WDFY2: variants seen among roughly 807,000 people sequenced by gnomAD.
WDFY2 encodes the protein WD repeat and FYVE domain containing 2, also known as WD repeat and FYVE domain-containing protein 2.
Under a neutral mutation model 56.4 loss-of-function variants are expected in WDFY2, and 36 were observed. The ratio of observed to expected loss-of-function variants is 0.64; its 90% CI spans 0.49 to 0.84. WDFY2 has a LOEUF of 0.84. Among genes scored for constraint, WDFY2 ranks in the 40% least tolerant of loss-of-function variants. The probability of loss-of-function intolerance (pLI) is 0.00; values close to 1 mark genes in which losing one functional copy is unlikely to be tolerated. For synonymous variants in WDFY2, 176 were observed against 183.7 expected, an observed-to-expected ratio of 0.96 and a Z score of 0.34; for missense variants, 444 against 512.2, an observed-to-expected ratio of 0.87 and a Z score of 1.29.
rs1953770152 is a variant in WDFY2 at position 51,766,984 on chromosome 13, G to C, written c.*7215G>C. The C allele has an allele frequency of 1.3e-5, 2 of 152,208 alleles. No individual in the cohort carries two copies. The highest frequency in any genetic ancestry group is 2.9e-5 in the Non-Finnish European group (2 of 68,038). The allele number at this position is 152,208 out of a possible 1,614,324, so 9.4% of individuals were successfully genotyped here. A position where few individuals can be genotyped will look rare whatever the true frequency, so the allele number is the denominator to read the frequency against. On this transcript the variant is annotated 3_prime_UTR_variant, in exon 12 of 12. Transcript: ENST00000298125. The stretch of plus-strand genomic sequence containing the variant: ...ATGAGCCCTGTTCACCACAGTCTAA[G>C]CACAGCACACGGGCTCAAGCCATGG...
intron 6 of WDFY2, among the ~76,000 whole-genome samples, chr13:51,733,741 G>A (rs938233903): frequency 2.6e-5 from 4 of 152,136 alleles, no homozygotes; most frequent in Non-Finnish European, 5.9e-5. Flanking sequence ...GGGGTCAGCC[G>A]CATTTGGTAA....
At chr13:51,719,931 A>G (rs1021663858) in intron 5 of WDFY2, among the ~76,000 whole-genome samples, 1 of 152,196 alleles carries the variant, frequency 6.6e-6, no homozygotes, top group African/African-American at 2.4e-5. Flanking sequence ...CAGGGTCCTC[A>G]TGCTCATGGT....
chr13:51,736,059 T>C (rs1338495952), intron 6 of WDFY2, among the ~76,000 whole-genome samples: 2 of 152,222 alleles, frequency 1.3e-5, no homozygotes, highest in South Asian at 2.1e-4. Flanking sequence ...TCATGATGGC[T>C]GGGATAGCAT....
At chr13:51,642,095 T>C (rs1385972059) in intron 1 of WDFY2, among the ~76,000 whole-genome samples, 5 of 152,240 alleles carry the variant, frequency 3.3e-5, no homozygotes, top group African/African-American at 7.2e-5. Flanking sequence ...TTTCCAGTTA[T>C]CTATATCTTA....
intron 1 of WDFY2, chr13:51,591,884 A>G (rs960906147): frequency 1.3e-5 from 2 of 151,706 alleles, no homozygotes. Context: ...TGAAATTCCC[A>G]TTGACATTAT....
chr13:51,649,767 A>G (rs1446005968), intron 1 of WDFY2, among the ~76,000 whole-genome samples: 2 of 152,072 alleles, frequency 1.3e-5, no homozygotes, highest in African/African-American at 2.4e-5. Flanking sequence ...GTTCTGTTCT[A>G]TTGGTCTATA....
At chr13:51,622,281 C>A (rs547467603) in intron 1 of WDFY2, among the ~76,000 whole-genome samples, 1 of 152,154 alleles carries the variant, frequency 6.6e-6, no homozygotes, top group Non-Finnish European at 1.5e-5. Context: ...CTCTCTCCCC[C>A]CCTCCTTTTT....
chr13:51,747,340 C>T (rs1566224394), intron 7 of WDFY2, among the ~76,000 whole-genome samples: 1 of 152,196 alleles, frequency 6.6e-6, no homozygotes, highest in African/African-American at 2.4e-5. Context: ...ATATTATAGA[C>T]AATAACGACA....
chr13:51,689,564 G>A (rs943991738), intron 3 of WDFY2, among the ~76,000 whole-genome samples: 3 of 152,096 alleles, frequency 2.0e-5, no homozygotes, highest in East Asian at 1.9e-4. Flanking sequence ...ATGTGACATG[G>A]GGTTTCCTTA....
At chr13:51,686,642 A>C (rs1956066588) in intron 3 of WDFY2, among the ~76,000 whole-genome samples, 1 of 152,116 alleles carries the variant, frequency 6.6e-6, no homozygotes, top group Non-Finnish European at 1.5e-5. Flanking sequence ...TCAGGACTGA[A>C]AATATATGAA....
rs1034497963 is a variant in WDFY2, at chr13:51,694,837, G to T, written c.280-8759G>T. On this transcript the variant is annotated intron_variant, in intron 3 of 11. Transcript: ENST00000298125. ...GGTACACCAATCAGACGTAGATTTGGTCTTTTCACATAGTCCCATATTTCT... is the reference window on the plus strand; with the variant it reads ...GGTACACCAATCAGACGTAGATTTGTTCTTTTCACATAGTCCCATATTTCT... 6.0e-4 allele frequency among the ~76,000 whole-genome samples: 91 copies of T among 152,118 alleles called. 1 individual carries two copies. The highest frequency in any genetic ancestry group is 2.1e-3 in the African/African-American group (88 of 41,444).
intron 1 of WDFY2, among the ~76,000 whole-genome samples, chr13:51,585,487 C>T (rs934845885): frequency 1.4e-4 from 22 of 152,282 alleles, no homozygotes; most frequent in Middle Eastern, 3.4e-3. Flanking sequence ...TTCCCTTTGC[C>T]TGTTTCCTTT....
chr13:51,705,982 A>G (rs1218090091), intron 4 of WDFY2, among the ~76,000 whole-genome samples: 1 of 152,218 alleles, frequency 6.6e-6, no homozygotes, highest in Non-Finnish European at 1.5e-5. Context: ...TATAAGCATA[A>G]CATGCCATTT....
intron 7 of WDFY2, among the ~76,000 whole-genome samples, chr13:51,741,649 T>A (rs1045852315): frequency 1.3e-5 from 2 of 152,220 alleles, no homozygotes; most frequent in African/African-American, 4.8e-5. Context: ...ATTCTCGTAT[T>A]TGAGTACACC....
chr13:51,635,252 C>T (rs975059680), intron 1 of WDFY2, among the ~76,000 whole-genome samples: 28 of 152,120 alleles, frequency 1.8e-4, no homozygotes, highest in Admixed American at 1.3e-4. Flanking sequence ...GCAGGAAGTC[C>T]TAAACCTTTT....
intron 1 of WDFY2, among the ~76,000 whole-genome samples, chr13:51,597,399 A>T (rs776075435): frequency 3.9e-5 from 6 of 152,242 alleles, no homozygotes; most frequent in Admixed American, 6.5e-5. Context: ...AGCCTGAAGG[A>T]CTGAACTTGA....
chr13:51,746,026 G>C (rs1198609039), intron 7 of WDFY2, among the ~76,000 whole-genome samples: 1 of 144,538 alleles, frequency 6.9e-6, no homozygotes, highest in African/African-American at 2.6e-5. Context: ...CCCCAGGCTG[G>C]AGTGCAATGG....
At chr13:51,742,413 T>C (rs1383112646) in intron 7 of WDFY2, among the ~76,000 whole-genome samples, 2 of 151,948 alleles carry the variant, frequency 1.3e-5, no homozygotes, top group African/African-American at 4.8e-5. Context: ...GATTGTATGC[T>C]GTGCTAGCTC....
In WDFY2 at chr13:51,682,100, G is replaced by A. The variant is rs184034159; in HGVS notation, c.279+6857G>A. On this transcript the variant is annotated intron_variant, in intron 3 of 11. Transcript: ENST00000298125. ...GACCAGTTCTGTAGTGTGAATACCC[G>A]TAGGAGCACCCAGATTGCTCTGTGT... Among the ~76,000 whole-genome samples, 30 of 152,274 alleles carry A rather than the reference G, an allele frequency of 2.0e-4. No individual in the cohort carries two copies. The South Asian group carries it at 2.5e-3, about 13-fold the overall frequency.
Sources: allele counts gnomAD v4.1 joint callset (sites outside exome capture counted in the v4.1 genomes callset), GRCh38; gene constraint gnomAD v4.1.1; transcripts MANE v1.5; gene names NCBI Gene and HGNC (gene_info 2026-07-23, HGNC 2026-07-21).